Variants in HIVEP1 observed in about 807,000 individuals in gnomAD.
HIVEP1 encodes HIVEP zinc finger 1, also known as zinc finger protein 40.
Under a neutral mutation model 180.0 loss-of-function variants are expected in HIVEP1, and 36 were observed. That is an observed-to-expected ratio of 0.20 (90% CI 0.15 to 0.26). HIVEP1 has a LOEUF of 0.26. Ranked by LOEUF, HIVEP1 falls within the 10% of genes least tolerant of loss-of-function variation. The probability of loss-of-function intolerance (pLI) is 1.00; values close to 1 mark genes in which losing one functional copy is unlikely to be tolerated. For synonymous variants in HIVEP1, 1,239 were observed against 1,239.0 expected (o/e 1.00, Z 0.00); for missense variants, 3,143 against 3,268.7 (o/e 0.96, Z 0.94).
At chr6:12,109,037 C>T (rs534210568) in intron 3 of HIVEP1, among the ~76,000 whole-genome samples, 5 of 152,246 alleles carry the variant, frequency 3.3e-5, no homozygotes, top group South Asian at 4.1e-4. Flanking sequence ...TGGAGTGCAG[C>T]GGCGCGATCT....
In HIVEP1 at chr6:12,120,122, C is replaced by T; in HGVS notation, c.327C>T (p.Thr109=). 6.2e-7 allele frequency: 1 copy of T among 1,613,566 alleles called. No homozygotes were observed. Among genetic ancestry groups the T allele is most frequent in the Non-Finnish European group, 8.5e-7 (1 of 1,179,872 alleles). The change falls in exon 4 of 9, where the codon ACC becomes ACT. Residue 109 remains threonine (T), a synonymous_variant. Coordinates refer to ENST00000379388, the MANE Select transcript of HIVEP1 (RefSeq NM_002114.4). Reference sequence around the variant, plus strand: ...CTGTAAAAAATGGGAAGCAGTTTACCAAACAAAATGGAGAAACACCTGGAA... The same window carrying T: ...CTGTAAAAAATGGGAAGCAGTTTACTAAACAAAATGGAGAAACACCTGGAA... ...YIPVKNGKQF[T]KQNGETPGII... is the part of the protein sequence containing the mutation.
chr6:12,105,813 T>C (rs1774390115), intron 3 of HIVEP1, among the ~76,000 whole-genome samples: 1 of 152,090 alleles, frequency 6.6e-6, no homozygotes, highest in African/African-American at 2.4e-5. Context: ...TAAATATTTA[T>C]TCCTATTTTC....
chr6:12,143,926 A>G (rs946568924), intron 7 of HIVEP1, among the ~76,000 whole-genome samples: 3 of 152,212 alleles, frequency 2.0e-5, no homozygotes, highest in African/African-American at 7.2e-5. Flanking sequence ...GCTCATGGAT[A>G]GGAAGAATCA....
chr6:12,183,968 A>T, the HIVEP1 span, among the ~76,000 whole-genome samples: 2 of 142,026 alleles, frequency 1.4e-5, no homozygotes, highest in African/African-American at 5.6e-5. Context: ...GCCAAATCAC[A>T]TTGTAAAGAT....
At chr6:12,197,119 C>A in the HIVEP1 span, among the ~76,000 whole-genome samples, 1 of 152,124 alleles carries the variant, frequency 6.6e-6, no homozygotes, top group Admixed American at 6.5e-5. Flanking sequence ...AAGAGGAAGT[C>A]ACATGAGGAG....
chr6:12,191,987 G>C, the HIVEP1 span, among the ~76,000 whole-genome samples: 1 of 152,112 alleles, frequency 6.6e-6, no homozygotes, highest in Non-Finnish European at 1.5e-5. Flanking sequence ...GCTAATTAGG[G>C]GCTAGAACCA....
chr6:12,043,082 A>C (rs1392665221), intron 2 of HIVEP1, among the ~76,000 whole-genome samples: 2 of 152,124 alleles, frequency 1.3e-5, no homozygotes, highest in Non-Finnish European at 2.9e-5. Flanking sequence ...CTGATCCACT[A>C]ATTTATTTGT....
chr6:12,083,979 A>G (rs1209276833), intron 2 of HIVEP1, among the ~76,000 whole-genome samples: 4 of 152,096 alleles, frequency 2.6e-5, no homozygotes, highest in African/African-American at 4.8e-5. Flanking sequence ...TGCCAGCTGT[A>G]TGAAATACTG....
intron 2 of HIVEP1, among the ~76,000 whole-genome samples, chr6:12,039,574 G>A (rs1769529048): frequency 6.6e-6 from 1 of 152,168 alleles, no homozygotes; most frequent in Non-Finnish European, 1.5e-5. Flanking sequence ...TTGACGCCAA[G>A]TTGGTTAGAA....
At chr6:12,136,349 A>G (rs906663942) in intron 7 of HIVEP1, among the ~76,000 whole-genome samples, 2 of 152,212 alleles carry the variant, frequency 1.3e-5, no homozygotes, top group South Asian at 2.1e-4. Context: ...CTCCCCACAC[A>G]AACGTGGCTC....
At chr6:12,148,633 C>A (rs938564627) in intron 7 of HIVEP1, among the ~76,000 whole-genome samples, 1 of 152,190 alleles carries the variant, frequency 6.6e-6, no homozygotes, top group Non-Finnish European at 1.5e-5. Flanking sequence ...CACAAACAGA[C>A]TGCTAGAAAC....
chr6:12,183,157 C>G, the HIVEP1 span, among the ~76,000 whole-genome samples: 27 of 151,802 alleles, frequency 1.8e-4, no homozygotes, highest in Non-Finnish European at 1.5e-5. Context: ...AAATTTAAGC[C>G]AAAACGAAAC....
At chr6:12,187,254 C>T in the HIVEP1 span, among the ~76,000 whole-genome samples, 2 of 151,970 alleles carry the variant, frequency 1.3e-5, no homozygotes, top group African/African-American at 4.8e-5. Flanking sequence ...GATGTTTGTC[C>T]CACTCAAACC....
chr6:12,162,651 C>T (rs1490603642), intron 8 of HIVEP1, among the ~76,000 whole-genome samples: 1 of 152,128 alleles, frequency 6.6e-6, no homozygotes, highest in Admixed American at 6.5e-5. Context: ...TTGAATATTG[C>T]AATAGGATTT....
the HIVEP1 span, among the ~76,000 whole-genome samples, chr6:12,191,408 G>A: frequency 4.8e-4 from 73 of 152,006 alleles, no homozygotes; most frequent in Non-Finnish European, 7.2e-4. Flanking sequence ...TGGGCAACAC[G>A]GGGAGACCCC....
chr6:12,101,864 T>G (rs1162208269), intron 3 of HIVEP1, among the ~76,000 whole-genome samples: 2 of 151,876 alleles, frequency 1.3e-5, no homozygotes, highest in African/African-American at 4.8e-5. Flanking sequence ...TGGCACTCAC[T>G]TTAGATCCAA....
At chr6:12,080,199 T>C (rs1378298678) in intron 2 of HIVEP1, among the ~76,000 whole-genome samples, 1 of 152,188 alleles carries the variant, frequency 6.6e-6, no homozygotes, top group African/African-American at 2.4e-5. Flanking sequence ...TTTGGACTTT[T>C]AGCTCGGCCC....
Position 12,122,834 on chromosome 6 carries a change from C to T in HIVEP1, c.3039C>T (p.Tyr1013=), listed in dbSNP as rs753523186. The part of the protein sequence containing the change: ...PGGLQPQILH[Y]RVAGSSGIWE... ...GTCTGCAGCCTCAGATTCTACACTACAGAGTCGCTGGGTCCTCCGGCATCT... is the reference window on the plus strand; with the variant it reads ...GTCTGCAGCCTCAGATTCTACACTATAGAGTCGCTGGGTCCTCCGGCATCT... Residue 1013 remains tyrosine, a synonymous_variant, in exon 4 of 9, where the codon TAC becomes TAT. Transcript: ENST00000379388. 2 of 1,614,032 alleles carry T rather than the reference C, an allele frequency of 1.2e-6. No individual in the cohort carries two copies. The highest frequency in any genetic ancestry group is 1.7e-6 in the Non-Finnish European group (2 of 1,180,024).
intron 7 of HIVEP1, among the ~76,000 whole-genome samples, chr6:12,139,957 C>T (rs193218028): frequency 6.6e-6 from 1 of 152,364 alleles, no homozygotes; most frequent in Non-Finnish European, 1.5e-5. Context: ...CTTAAACATT[C>T]CTGTCTGACA....
Sources: gnomAD v4.1 joint callset for allele counts (sites outside exome capture counted in the v4.1 genomes callset) on GRCh38, gnomAD v4.1.1 for gene constraint, MANE v1.5 for transcripts, NCBI Gene and HGNC (gene_info 2026-07-23, HGNC 2026-07-21) for gene names.